STRBP: variants seen among roughly 807,000 people sequenced by gnomAD.
STRBP encodes the protein spermatid perinuclear RNA binding protein.
STRBP carries 13 observed loss-of-function variants against 80.1 expected under a neutral mutation model. The ratio of observed to expected loss-of-function variants is 0.16; its 90% CI spans 0.11 to 0.26. The LOEUF (loss-of-function observed/expected upper bound fraction) is 0.26. Ranked by LOEUF, STRBP falls within the 10% of genes least tolerant of loss-of-function variation. The pLI is 1.00. For missense variants in STRBP, 485 were observed against 815.2 expected (o/e 0.59, Z 4.93); for synonymous variants, 284 against 291.2 (o/e 0.98, Z 0.25).
chr9:123,150,865 G>A (rs2132364535), intron 11 of STRBP, among the ~76,000 whole-genome samples: 1 of 152,242 alleles, frequency 6.6e-6, no homozygotes, highest in Non-Finnish European at 1.5e-5. Flanking sequence ...CTTCATCCTT[G>A]TGGCTCTCAC....
chr9:123,227,708 G>C (rs1287686168), intron 2 of STRBP, among the ~76,000 whole-genome samples: 2 of 151,574 alleles, frequency 1.3e-5, no homozygotes, highest in African/African-American at 2.4e-5. Context: ...TGGGATTACA[G>C]GTATGCACCC....
chr9:123,202,548 C>T (rs1011151646), intron 2 of STRBP, among the ~76,000 whole-genome samples: 18 of 152,264 alleles, frequency 1.2e-4, no homozygotes, highest in African/African-American at 4.1e-4. Flanking sequence ...TCTCTTTTGG[C>T]TTGTAAGGTT....
intron 1 of STRBP, among the ~76,000 whole-genome samples, chr9:123,255,470 TCCATAAC>T (rs1246485335): frequency 6.6e-6 from 1 of 152,222 alleles, no homozygotes; most frequent in African/African-American, 2.4e-5. Context: ...TACTTAGATA[TCCATAAC>T]CAATGAAGCA....
intron 2 of STRBP, among the ~76,000 whole-genome samples, chr9:123,192,639 T>C (rs2038963254): frequency 6.6e-6 from 1 of 152,210 alleles, no homozygotes; most frequent in Non-Finnish European, 1.5e-5. Flanking sequence ...AGGAATCTTG[T>C]TTTAATCCTT....
Position 123,205,095 on chromosome 9 carries a change from G to A in STRBP, c.-164-20797C>T, listed in dbSNP as rs796649873. The stretch of plus-strand genomic sequence containing the variant: ...AGCCTGGCCAACATGGCAAAACTCC[G>A]TCTCTACTAAAAATACAAAAATTAG... On this transcript the variant is annotated intron_variant, in intron 2 of 18. Transcript: ENST00000348403. Among the ~76,000 whole-genome samples, 47 of 151,952 alleles carry A rather than the reference G, an allele frequency of 3.1e-4. No individual in the cohort carries two copies. The Middle Eastern group carries it at 0.01, about 33-fold the overall frequency.
chr9:123,116,041 A>G (rs1446275995), exon 3 of STRBP: 1 of 456,022 alleles, frequency 2.2e-6, no homozygotes, highest in East Asian at 6.9e-5. Flanking sequence ...CCAGGTGCCA[A>G]TTTCCATAGG....
intron 2 of STRBP, among the ~76,000 whole-genome samples, chr9:123,185,996 C>T (rs1405502254): frequency 7.0e-6 from 1 of 142,372 alleles, no homozygotes; most frequent in African/African-American, 2.7e-5. Flanking sequence ...CACGCCACTA[C>T]ACTCCAGCCT....
intron 2 of STRBP, among the ~76,000 whole-genome samples, chr9:123,216,662 T>C (rs1198519662): frequency 6.6e-6 from 1 of 152,198 alleles, no homozygotes; most frequent in Non-Finnish European, 1.5e-5. Context: ...TATTCTCAGA[T>C]AAAGGGAACT....
At chr9:123,174,955 C>G (rs1588044708) in intron 4 of STRBP, among the ~76,000 whole-genome samples, 1 of 152,156 alleles carries the variant, frequency 6.6e-6, no homozygotes, top group Non-Finnish European at 1.5e-5. Flanking sequence ...ACAGGAGTTA[C>G]AGTCTCTCCT....
intron 2 of STRBP, among the ~76,000 whole-genome samples, chr9:123,185,096 A>G (rs759670958): frequency 7.9e-5 from 12 of 152,002 alleles, no homozygotes; most frequent in Non-Finnish European, 1.8e-4. Context: ...AGGAGAAAAA[A>G]ATTAAAAAAA....
intron 4 of STRBP, among the ~76,000 whole-genome samples, chr9:123,176,885 T>TG (rs1467524264): frequency 2.0e-5 from 3 of 152,216 alleles, no homozygotes; most frequent in Non-Finnish European, 4.4e-5. Flanking sequence ...TAATACATAT[T>TG]GTAGGACCTT....
chr9:123,179,336 G>GT, intron 3 of STRBP, 109 bp from the exon 4 acceptor site: 1 of 902,574 alleles, frequency 1.1e-6, no homozygotes, highest in Non-Finnish European at 1.6e-6. Flanking sequence ...TGTCTACTGT[G>GT]AAACAGTTAA....
At chr9:123,147,677 CAAAAAAA>C (rs551381831) in intron 12 of STRBP, 94 bp downstream of exon 12, 28 of 374,780 alleles carry the variant, frequency 7.5e-5, no homozygotes, top group South Asian at 2.5e-4. Context: ...GAACCGATCT[CAAAAAAA>C]AAAAAAAAAA....
In STRBP at chr9:123,245,594, G is replaced by A. The variant is rs150174133; in HGVS notation, c.-301-8628C>T. Among the ~76,000 whole-genome samples the A allele has an allele frequency of 3.1e-3, 468 of 152,246 alleles. 1 individual carries two copies. The highest frequency in any genetic ancestry group is 7.3e-3 in the South Asian group (35 of 4,810). ...GATGGGGTTTCACTGTGTTAGCCAG[G>A]ATGGTCTCGATCTCCTGAACTCGTG... On this transcript the variant is annotated intron_variant, in intron 1 of 18. Transcript: ENST00000348403.
intron 1 of STRBP, among the ~76,000 whole-genome samples, chr9:123,251,365 C>A (rs1299131260): frequency 6.6e-6 from 1 of 152,106 alleles, no homozygotes; most frequent in Non-Finnish European, 1.5e-5. Context: ...CTCAAGACCC[C>A]ACAAAGTAAC....
chr9:123,226,561 C>T (rs771320599), intron 2 of STRBP, among the ~76,000 whole-genome samples: 2 of 152,086 alleles, frequency 1.3e-5, no homozygotes, highest in Non-Finnish European at 2.9e-5. Flanking sequence ...CTAAGTTGTC[C>T]TTTTCTCCCC....
chr9:123,176,543 G>C (rs2038227937), intron 4 of STRBP, among the ~76,000 whole-genome samples: 1 of 152,248 alleles, frequency 6.6e-6, no homozygotes, highest in African/African-American at 2.4e-5. Context: ...AGTAAAACAG[G>C]AGTGGAGAAA....
At chr9:123,137,805 G>A (rs748999735) in intron 14 of STRBP, among the ~76,000 whole-genome samples, 2 of 152,144 alleles carry the variant, frequency 1.3e-5, no homozygotes, top group South Asian at 2.1e-4. Context: ...TGCTTCAGAC[G>A]TGAAACATCA....
At chr9:123,245,587 T>C (rs2040784398) in intron 1 of STRBP, among the ~76,000 whole-genome samples, 1 of 152,160 alleles carries the variant, frequency 6.6e-6, no homozygotes, top group South Asian at 2.1e-4. Flanking sequence ...TTCACTGTGT[T>C]AGCCAGGATG....
Sources: allele counts gnomAD v4.1 joint callset (sites outside exome capture counted in the v4.1 genomes callset), GRCh38; gene constraint gnomAD v4.1.1; transcripts MANE v1.5; gene names NCBI Gene and HGNC (gene_info 2026-07-23, HGNC 2026-07-21).